TRPC5: variants seen among roughly 807,000 people sequenced by gnomAD.
TRPC5 encodes transient receptor potential cation channel subfamily C member 5.
TRPC5 carries 9 observed loss-of-function variants against 56.5 expected under a neutral mutation model. The observed-to-expected ratio is 0.16, with a 90% confidence interval of 0.10 to 0.28. TRPC5 has a LOEUF of 0.28. Among genes scored for constraint, TRPC5 ranks in the 10% least tolerant of loss-of-function variants. The probability of loss-of-function intolerance (pLI) is 1.00; values close to 1 mark genes in which losing one functional copy is unlikely to be tolerated. For missense variants in TRPC5, 469 were observed against 748.9 expected (o/e 0.63, Z 4.36); for synonymous variants, 282 against 278.5 (o/e 1.01, Z -0.13).
At chrX:111,998,287 A>G (rs887298971) in intron 1 of TRPC5, among the ~76,000 whole-genome samples, 8 of 112,055 alleles carry the variant, frequency 7.1e-5, no homozygotes, top group South Asian at 3.7e-4. Context: ...ATAGTTGGAC[A>G]TATTTATTTA....
intron 7 of TRPC5, among the ~76,000 whole-genome samples, chrX:111,819,505 G>A (rs1465163590): frequency 1.8e-5 from 2 of 111,236 alleles, no homozygotes. Context: ...GAACCATAAT[G>A]TAAGAATGGT....
intron 7 of TRPC5, among the ~76,000 whole-genome samples, chrX:111,814,753 T>C (rs1258605987): frequency 9.0e-6 from 1 of 110,848 alleles, no homozygotes; most frequent in East Asian, 2.8e-4. Flanking sequence ...AATTATGGTT[T>C]CTAGGTGGTT....
intron 6 of TRPC5, 120 bp from the exon 7 acceptor site, chrX:111,835,236 A>G: frequency 1.7e-6 from 1 of 601,341 alleles, no homozygotes; most frequent in Non-Finnish European, 2.6e-6. Flanking sequence ...TAAACTGGTG[A>G]TCTCACATAT....
intron 2 of TRPC5, among the ~76,000 whole-genome samples, chrX:111,923,551 G>A (rs758568647): frequency 8.9e-6 from 1 of 111,816 alleles, no homozygotes; most frequent in South Asian, 3.7e-4. Flanking sequence ...GTTCTAATGA[G>A]TGATGGGAAC....
intron 7 of TRPC5, among the ~76,000 whole-genome samples, chrX:111,827,147 CT>C (rs1402748011): frequency 1.9e-4 from 21 of 111,531 alleles, no homozygotes; most frequent in African/African-American, 6.5e-4. Context: ...AGCACATTGT[CT>C]TGATTTTTCT....
At chrX:111,843,626 G>C (rs1479417757) in intron 6 of TRPC5, among the ~76,000 whole-genome samples, 1 of 111,537 alleles carries the variant, frequency 9.0e-6, no homozygotes, top group Non-Finnish European at 1.9e-5. Flanking sequence ...AGAGGCAAGA[G>C]TCAGATTACC....
chrX:112,045,319 G>A lies in TRPC5; in HGVS notation c.-22+36560C>T, dbSNP rs201590668. Among the ~76,000 whole-genome samples, 17 of 111,565 alleles carry A rather than the reference G, an allele frequency of 1.5e-4. No homozygotes were observed. The East Asian group carries it at 4.5e-3, about 30-fold the overall frequency. On this transcript the variant is annotated intron_variant, in intron 1 of 10. Coordinates refer to ENST00000262839, the MANE Select transcript of TRPC5 (RefSeq NM_012471.3). The stretch of plus-strand genomic sequence containing the variant: ...TGGAGACAGAAATGGGAGTAATGTG[G>A]TCACAAGTCAAAGGAATGCTGACAG...
chrX:112,037,936 T>C (rs999364691), intron 1 of TRPC5, among the ~76,000 whole-genome samples: 2 of 111,719 alleles, frequency 1.8e-5, no homozygotes, highest in Non-Finnish European at 3.8e-5. Context: ...TATTGGAAAT[T>C]CACTGATAAT....
At chrX:111,946,549 G>A (rs1293397468) in intron 2 of TRPC5, among the ~76,000 whole-genome samples, 1 of 112,081 alleles carries the variant, frequency 8.9e-6, no homozygotes, top group African/African-American at 3.2e-5. Flanking sequence ...CTCCTTCTTG[G>A]AAACTTCTCT....
chrX:111,842,940 C>T (rs1405097860), intron 6 of TRPC5, among the ~76,000 whole-genome samples: 2 of 112,364 alleles, frequency 1.8e-5, no homozygotes, highest in Non-Finnish European at 3.8e-5. Context: ...TACTCTTAGG[C>T]CCATGTATGT....
chrX:111,887,680 AG>A (rs1369669826), intron 3 of TRPC5, among the ~76,000 whole-genome samples: 1 of 112,383 alleles, frequency 8.9e-6, no homozygotes, highest in Non-Finnish European at 1.9e-5. Context: ...ATAGTAATTA[AG>A]ATGATTAAAT....
intron 1 of TRPC5, among the ~76,000 whole-genome samples, chrX:112,038,437 G>A (rs1929804784): frequency 9.0e-6 from 1 of 111,156 alleles, no homozygotes; most frequent in South Asian, 3.9e-4. Context: ...AAGAATGAAC[G>A]TTTGCACAAA....
chrX:111,926,924 A>G (rs897846819), intron 2 of TRPC5, among the ~76,000 whole-genome samples: 1 of 112,228 alleles, frequency 8.9e-6, no homozygotes, highest in Non-Finnish European at 1.9e-5. Flanking sequence ...TAGATAAAAG[A>G]GAGGGTTCTC....
intron 7 of TRPC5, among the ~76,000 whole-genome samples, chrX:111,789,108 A>AC (rs1300034292): frequency 1.8e-5 from 2 of 112,019 alleles, no homozygotes; most frequent in African/African-American, 6.5e-5. Flanking sequence ...CATTGCCAAA[A>AC]CAATCCTAAG....
intron 1 of TRPC5, among the ~76,000 whole-genome samples, chrX:112,046,707 A>G (rs188097638): frequency 3.6e-5 from 4 of 111,665 alleles, no homozygotes; most frequent in Admixed American, 1.9e-4. Context: ...AGCTGAGACT[A>G]TGCTGCCTAG....
chrX:111,931,476 G>A (rs902856810), intron 2 of TRPC5, among the ~76,000 whole-genome samples: 3 of 112,058 alleles, frequency 2.7e-5, no homozygotes, highest in Non-Finnish European at 3.8e-5. Context: ...TAAATATGAC[G>A]TATCTTCATT....
intron 2 of TRPC5, among the ~76,000 whole-genome samples, chrX:111,934,367 T>C (rs1158311844): frequency 9.1e-6 from 1 of 110,475 alleles, no homozygotes; most frequent in Non-Finnish European, 1.9e-5. Flanking sequence ...TCTATATATT[T>C]GTGGGGTACA....
rs1288845705 is a variant in TRPC5, at chrX:111,773,248, A to G, written c.*3065T>C. Among the ~76,000 whole-genome samples the G allele has an allele frequency of 8.9e-6, 1 of 111,990 alleles. No homozygotes were observed. Among genetic ancestry groups the G allele is most frequent in the Non-Finnish European group, 1.9e-5 (1 of 53,201 alleles). ...ATTTTAAATTTAGTCTTTCCTCTGTATTTCACTGGACATAAAGCTGGAAGT... is the reference window on the plus strand; with the variant it reads ...ATTTTAAATTTAGTCTTTCCTCTGTGTTTCACTGGACATAAAGCTGGAAGT... On this transcript the variant is annotated 3_prime_UTR_variant, in exon 11 of 11. Transcript: ENST00000262839.
At chrX:111,831,342 GCTGCTTTGAGAGTCT>G (rs1449777405) in intron 7 of TRPC5, among the ~76,000 whole-genome samples, 1 of 112,332 alleles carries the variant, frequency 8.9e-6, no homozygotes, top group Non-Finnish European at 1.9e-5. Flanking sequence ...TGTGTGAAGT[GCTGCTTTGAGAGTCT>G]CTGCTTTGAA....
Sources: gnomAD v4.1 joint callset for allele counts (sites outside exome capture counted in the v4.1 genomes callset) on GRCh38, gnomAD v4.1.1 for gene constraint, MANE v1.5 for transcripts, NCBI Gene and HGNC (gene_info 2026-07-23, HGNC 2026-07-21) for gene names.